The following CHSY1 variants were observed in gnomAD, a reference collection of about 807,000 sequenced individuals.
CHSY1 encodes the protein N-acetylgalactosaminyl-proteoglycan 3-beta-glucuronosyltransferase 1.
In CHSY1, 13 loss-of-function variants were observed where a neutral mutation model predicts 59.8. That is an observed-to-expected ratio of 0.22 (90% CI 0.14 to 0.35). CHSY1 has a LOEUF of 0.35. CHSY1 is among the 10% of genes least tolerant of loss of function. The probability of loss-of-function intolerance (pLI) is 1.00; values close to 1 mark genes in which losing one functional copy is unlikely to be tolerated. For synonymous variants in CHSY1, 459 were observed against 401.2 expected (o/e 1.14, Z -1.72); for missense variants, 947 against 1,030.6 (o/e 0.92, Z 1.11).
At chr15:101,232,090 G>A (rs986918530) in intron 2 of CHSY1, among the ~76,000 whole-genome samples, 1 of 152,150 alleles carries the variant, frequency 6.6e-6, no homozygotes, top group Non-Finnish European at 1.5e-5. Context: ...CTTTGATTTT[G>A]ACAGTTGTTC....
At chr15:101,199,449 G>A (rs1482187969) in intron 2 of CHSY1, among the ~76,000 whole-genome samples, 1 of 152,232 alleles carries the variant, frequency 6.6e-6, no homozygotes, top group African/African-American at 2.4e-5. Context: ...GTTGCAGTGA[G>A]CCGAGATTGT....
At chr15:101,231,493 C>G (rs933737095) in intron 2 of CHSY1, among the ~76,000 whole-genome samples, 1 of 152,178 alleles carries the variant, frequency 6.6e-6, no homozygotes, top group Non-Finnish European at 1.5e-5. Flanking sequence ...GAATTTTGAG[C>G]CACGTGACAG....
Position 101,178,387 on chromosome 15 carries a change from G to A in CHSY1, c.1410C>T (p.His470=), listed in dbSNP as rs750435215. Residue 470 remains histidine (H), a synonymous_variant, in exon 3 of 3, where the codon CAC becomes CAT. Transcript: ENST00000254190. Reference sequence around the variant, plus strand: ...TGCTGAAAGTCTGCTGTAAATACGCGTGCCTCCTCACAGGGACCGTCATTT... The same window carrying A: ...TGCTGAAAGTCTGCTGTAAATACGCATGCCTCCTCACAGGGACCGTCATTT... ...GKKMTVPVRR[H]AYLQQTFSKI... 44 of 1,611,110 alleles carry A rather than the reference G, an allele frequency of 2.7e-5. No homozygotes were observed. The highest frequency in any genetic ancestry group is 1.6e-4 in the East Asian group (7 of 44,828).
At chr15:101,186,922 A>C (rs1417495380) in intron 2 of CHSY1, 2 of 152,282 alleles carry the variant, frequency 1.3e-5, no homozygotes, top group African/African-American at 4.8e-5. Context: ...TTATGTGACC[A>C]TGTCAGAACG....
At chr15:101,240,522 C>A (rs1385740160) in intron 1 of CHSY1, among the ~76,000 whole-genome samples, 5 of 152,202 alleles carry the variant, frequency 3.3e-5, no homozygotes, top group Admixed American at 3.3e-4. Context: ...GATGTCCAAC[C>A]CTTGCTCAAG....
Position 101,178,599 on chromosome 15 carries a change from C to A in CHSY1, c.1198G>T (p.Ala400Ser), listed in dbSNP as rs573681382. Residue 400 changes from alanine to serine, a missense_variant, in exon 3 of 3, where the codon GCC becomes TCC. Ala to Ser is a moderately conservative substitution (Grantham distance 99). Transcript: ENST00000254190. ...GQPPRRGMDS[A>S]QREALDDIVM... Reference sequence around the variant, plus strand: ...ATGTCGTCCAAGGCTTCCCTCTGGGCGGAGTCCATTCCTCTTCGAGGGGGC... The same window carrying A: ...ATGTCGTCCAAGGCTTCCCTCTGGGAGGAGTCCATTCCTCTTCGAGGGGGC... 6.2e-7 allele frequency: 1 copy of A among 1,614,106 alleles called. No homozygotes were observed. The highest frequency in any genetic ancestry group is 1.3e-5 in the African/African-American group (1 of 74,932).
intron 1 of CHSY1, among the ~76,000 whole-genome samples, chr15:101,241,846 C>G (rs943753935): frequency 6.6e-6 from 1 of 152,054 alleles, no homozygotes; most frequent in African/African-American, 2.4e-5. Flanking sequence ...CCTTATCATC[C>G]AAGAGGGAAT....
chr15:101,187,308 G>C (rs1294135509), intron 2 of CHSY1, among the ~76,000 whole-genome samples: 2 of 152,120 alleles, frequency 1.3e-5, no homozygotes, highest in Non-Finnish European at 2.9e-5. Flanking sequence ...GTGAAACACT[G>C]TTTCTATTAA....
intron 2 of CHSY1, among the ~76,000 whole-genome samples, chr15:101,232,766 G>A (rs1194729923): frequency 6.6e-6 from 1 of 152,236 alleles, no homozygotes; most frequent in African/African-American, 2.4e-5. Context: ...CATTTCAGCA[G>A]AAATACGGGC....
chr15:101,224,386 GTTAC>G (rs1414717487), intron 2 of CHSY1, among the ~76,000 whole-genome samples: 1 of 152,170 alleles, frequency 6.6e-6, no homozygotes, highest in East Asian at 1.9e-4. Context: ...CTTTATAAAA[GTTAC>G]TTACTAGAAA....
At chr15:101,210,030 G>A (rs187288039) in intron 2 of CHSY1, among the ~76,000 whole-genome samples, 161 of 152,274 alleles carry the variant, frequency 1.1e-3, no homozygotes, top group Middle Eastern at 6.8e-3. Flanking sequence ...CTCTTAGTCC[G>A]TTATTTCTCT....
In CHSY1 at chr15:101,177,384, G is replaced by A. The variant is rs373092959; in HGVS notation, c.*4C>T. Reference sequence around the variant, plus strand: ...AAAAACGTCTTTTCCAGCAAAGCTGGACATTAGGCTGTCCTCACTGAGCCA... The same window carrying A: ...AAAAACGTCTTTTCCAGCAAAGCTGAACATTAGGCTGTCCTCACTGAGCCA... On this transcript the variant is annotated 3_prime_UTR_variant, in exon 3 of 3. Coordinates refer to ENST00000254190, the MANE Select transcript of CHSY1 (RefSeq NM_014918.5). 7 of 1,600,554 alleles carry A rather than the reference G, an allele frequency of 4.4e-6. No individual in the cohort carries two copies. In the African/African-American group the frequency reaches 9.5e-5, roughly 22 times the overall value.
intron 1 of CHSY1, among the ~76,000 whole-genome samples, chr15:101,245,839 T>C (rs2039045530): frequency 6.6e-6 from 1 of 152,246 alleles, no homozygotes; most frequent in Non-Finnish European, 1.5e-5. Context: ...AAAAGTTCAC[T>C]TACAGGTTGA....
chr15:101,181,007 A>T (rs1421685909), intron 2 of CHSY1, among the ~76,000 whole-genome samples: 4 of 152,254 alleles, frequency 2.6e-5, no homozygotes, highest in African/African-American at 9.6e-5. Context: ...ACCTTGAAGC[A>T]AATATAGTCA....
At chr15:101,215,188 G>T (rs549674210) in intron 2 of CHSY1, among the ~76,000 whole-genome samples, 1 of 152,194 alleles carries the variant, frequency 6.6e-6, no homozygotes, top group South Asian at 2.1e-4. Flanking sequence ...GCCCTGTCTC[G>T]GGCATTTCTT....
intron 2 of CHSY1, among the ~76,000 whole-genome samples, chr15:101,225,788 G>A (rs1321681352): frequency 2.0e-5 from 3 of 152,260 alleles, no homozygotes; most frequent in Admixed American, 6.5e-5. Flanking sequence ...CCTTATAGCC[G>A]TGTGAGAACG....
intron 2 of CHSY1, among the ~76,000 whole-genome samples, chr15:101,220,371 A>G (rs2141266136): frequency 6.6e-6 from 1 of 152,224 alleles, no homozygotes; most frequent in Middle Eastern, 3.4e-3. Flanking sequence ...TTTGTATATC[A>G]AGCCTGAACT....
intron 2 of CHSY1, chr15:101,188,110 C>G: frequency 1.0e-6 from 1 of 985,442 alleles, no homozygotes; most frequent in Non-Finnish European, 1.2e-6. Context: ...AGCACGTACA[C>G]GGTTCAGCCT....
rs1365626001 is a variant in CHSY1, at chr15:101,199,364, G to A, written c.817-20384C>T. 3.9e-5 allele frequency among the ~76,000 whole-genome samples: 6 copies of A among 152,302 alleles called. No homozygotes were observed. In the South Asian group the frequency reaches 1.0e-3, roughly 26 times the overall value. On this transcript the variant is annotated intron_variant, in intron 2 of 2. Transcript: ENST00000254190. ...TAAAAATACAAAAAATTAGCCGGGC[G>A]TGGTAGCACGCGCCTGTAGTTCCAG...
Sources: gnomAD v4.1 joint callset for allele counts (sites outside exome capture counted in the v4.1 genomes callset) on GRCh38, gnomAD v4.1.1 for gene constraint, MANE v1.5 for transcripts, NCBI Gene and HGNC (gene_info 2026-07-23, HGNC 2026-07-21) for gene names.